FANCD2OS: variants seen among roughly 807,000 people sequenced by gnomAD.
FANCD2OS encodes the protein FANCD2 opposite strand protein.
FANCD2OS carries 11 observed loss-of-function variants against 13.2 expected under a neutral mutation model. The ratio of observed to expected loss-of-function variants is 0.83; its 90% confidence interval spans 0.52 to 1.38. FANCD2OS has a LOEUF of 1.38. Among genes scored for constraint, FANCD2OS ranks in the 40% most tolerant of loss-of-function variants. The pLI is 0.00. For missense variants in FANCD2OS, 217 were observed against 213.9 expected (o/e 1.01, Z -0.09); for synonymous variants, 69 against 84.5 (o/e 0.82, Z 1.01).
intron 1 of FANCD2OS, among the ~76,000 whole-genome samples, chr3:10,106,112 T>G (rs975086540): frequency 9.2e-5 from 14 of 152,056 alleles, no homozygotes; most frequent in Admixed American, 8.5e-4. Flanking sequence ...CCTGGGTTAT[T>G]TATATACCAC....
chr3:10,100,130 G>T (rs1408672398), downstream of FANCD2OS, among the ~76,000 whole-genome samples: 3 of 151,956 alleles, frequency 2.0e-5, no homozygotes, highest in Non-Finnish European at 4.4e-5. Flanking sequence ...GGAGGCTGCA[G>T]TGAGCCATCA....
chr3:10,102,987 T>C (rs965803597), downstream of FANCD2OS: 2 of 349,602 alleles, frequency 5.7e-6, no homozygotes, highest in African/African-American at 2.3e-5. Flanking sequence ...CCAGATATTG[T>C]GGGTCACCGC....
chr3:10,104,520 TTTG>T lies in FANCD2OS; in HGVS notation c.252_254del (p.Asn84del). On this transcript the variant is annotated inframe_deletion, in exon 2 of 2. Coordinates refer to ENST00000450660, the MANE Select transcript of FANCD2OS (RefSeq NM_001164839.2). ...TGGGCTGGGGCTTCCTGACCAGTCCTTTGTTGTTCATCGTGCGCAACTCTGATG... is the reference window on the plus strand; with the variant it reads ...TGGGCTGGGGCTTCCTGACCAGTCCTTTGTTCATCGTGCGCAACTCTGATG... The T allele has an allele frequency of 6.2e-7, 1 of 1,614,188 alleles. No individual in the cohort carries two copies. The highest frequency in any genetic ancestry group is 8.5e-7 in the Non-Finnish European group (1 of 1,180,032).
At chr3:10,096,556 AG>A in intron 2 of FANCD2OS, 2 of 1,294,216 alleles carry the variant, frequency 1.5e-6, no homozygotes. Flanking sequence ...AGGTCACCTA[AG>A]CCCTCGTCTC....
intron 2 of FANCD2OS, chr3:10,085,971 G>C (rs764876175): frequency 1.7e-5 from 22 of 1,295,332 alleles, no homozygotes; most frequent in Admixed American, 1.5e-4. Flanking sequence ...AAACTCCTAG[G>C]AACAGGATTG....
Position 10,104,513 on chromosome 3 carries a change from C to G in FANCD2OS, c.262G>C (p.Val88Leu), listed in dbSNP as rs779806764. Residue 88 changes from valine (V) to leucine (L), a missense_variant, in exon 2 of 2, where the codon GTC becomes CTC. Coordinates refer to ENST00000450660, the MANE Select transcript of FANCD2OS (RefSeq NM_001164839.2). ...AGGCGGATGGGCTGGGGCTTCCTGA[C>G]CAGTCCTTTGTTGTTCATCGTGCGC... is the stretch of plus-strand genomic sequence containing the variant. ...ELRTMNNKGL[V>L]RKPQPIRLSG... is the part of the protein sequence containing the mutation. The G allele has an allele frequency of 3.3e-5, 53 of 1,614,180 alleles. No homozygotes were observed. The highest frequency in any genetic ancestry group is 4.4e-5 in the Non-Finnish European group (52 of 1,180,032).
chr3:10,101,574 C>A (rs745657721), downstream of FANCD2OS: 3 of 398,222 alleles, frequency 7.5e-6, no homozygotes, highest in South Asian at 7.6e-5. Flanking sequence ...TTAGTAGATA[C>A]GGGGTTTTAC....
At chr3:10,084,318 G>A (rs1320882388) in intron 2 of FANCD2OS, among the ~76,000 whole-genome samples, 3 of 150,474 alleles carry the variant, frequency 2.0e-5, no homozygotes, top group Non-Finnish European at 3.0e-5. Context: ...CTGAGACAGG[G>A]TCTTGCTCTG....
At chr3:10,097,928 C>T (rs1016997092), downstream of FANCD2OS, among the ~76,000 whole-genome samples, 2 of 152,194 alleles carry the variant, frequency 1.3e-5, no homozygotes, top group East Asian at 1.9e-4. Context: ...CCGGTCCCTC[C>T]GTTTGGGGTC....
intron 2 of FANCD2OS, chr3:10,092,385 C>G: frequency 7.8e-6 from 6 of 769,490 alleles, no homozygotes; most frequent in Non-Finnish European, 4.7e-6. Context: ...TCGTCTTCTT[C>G]CTTTGTCCCC....
intron 2 of FANCD2OS, chr3:10,094,261 G>C (rs1694821206): frequency 1.3e-6 from 2 of 1,592,190 alleles, no homozygotes; most frequent in Non-Finnish European, 1.7e-6. Flanking sequence ...ACCTCAGCTA[G>C]AGGTAACAGT....
chr3:10,092,347 C>G (rs1694669367), intron 2 of FANCD2OS: 5 of 943,036 alleles, frequency 5.3e-6, no homozygotes, highest in Non-Finnish European at 8.7e-6. Context: ...CCTCTTCCCA[C>G]TCTTCCTTGG....
chr3:10,088,521 A>G (rs1428759933), intron 2 of FANCD2OS: 3 of 1,607,000 alleles, frequency 1.9e-6, no homozygotes, highest in Non-Finnish European at 2.6e-6. Flanking sequence ...ATCTCTAATG[A>G]CCAGCTCCAT....
Position 10,104,402 on chromosome 3 carries a change from C to A in FANCD2OS, c.373G>T (p.Ala125Ser), listed in dbSNP as rs144636204. The change falls in exon 2 of 2, where the codon GCC (alanine) becomes TCC (serine). Residue 125 changes from alanine (A) to serine (S), a missense_variant. By Grantham distance (99) the Ala-to-Ser change is moderately conservative (BLOSUM62 1). Transcript: ENST00000450660. ...TGTFRVSDKS[A>S]FCKIISREHQ... Reference sequence around the variant, plus strand: ...TCCCTGCTAATGATTTTGCAAAAGGCTGACTTGTCTGAAACTCTGAAAGTC... The same window carrying A: ...TCCCTGCTAATGATTTTGCAAAAGGATGACTTGTCTGAAACTCTGAAAGTC... 1 of 1,614,186 alleles carries A rather than the reference C, an allele frequency of 6.2e-7. No individual in the cohort carries two copies. Among genetic ancestry groups the A allele is most frequent in the Non-Finnish European group, 8.5e-7 (1 of 1,180,042 alleles).
chr3:10,090,032 A>C (rs1037192125), intron 2 of FANCD2OS, among the ~76,000 whole-genome samples: 1 of 152,220 alleles, frequency 6.6e-6, no homozygotes, highest in Non-Finnish European at 1.5e-5. Flanking sequence ...ACTCAAACTC[A>C]GATCTTCTCA....
At chr3:10,091,278 G>A (rs1345575411) in intron 2 of FANCD2OS, among the ~76,000 whole-genome samples, 10 of 151,414 alleles carry the variant, frequency 6.6e-5, no homozygotes, top group Non-Finnish European at 1.3e-4. Flanking sequence ...GCGGGGTTTT[G>A]TCGTGTTGCT....
At chr3:10,093,357 T>C in intron 2 of FANCD2OS, 1 of 1,563,470 alleles carries the variant, frequency 6.4e-7, no homozygotes, top group Non-Finnish European at 8.8e-7. Flanking sequence ...TTCATATTTA[T>C]TCTTCCTGTG....
At position 10,090,443 on chromosome 3, in the gene FANCD2OS, A is replaced by ATT. The variant is rs773716319; in HGVS notation, c.*44-8914_*44-8913dup. The ATT allele has an allele frequency of 0.032, 10,770 of 334,138 alleles. 45 individuals are homozygous for ATT. The highest frequency in any genetic ancestry group is 0.045 in the South Asian group (2,017 of 44,390). 20.7% of individuals were successfully genotyped at this position (334,138 alleles called of 1,614,324 possible). On this transcript the variant is annotated intron_variant, in intron 2 of 2. Transcript: ENST00000524279. ...ACTTTGGATTACTTGGAAGTTGCTG[A>ATT]TTTTTTTTTTTTTTTTTTTTTTTTT...
chr3:10,101,183 C>T (rs1346676084), downstream of FANCD2OS: 2 of 1,610,120 alleles, frequency 1.2e-6, no homozygotes, highest in Non-Finnish European at 1.7e-6. Flanking sequence ...TTCTTTGCCC[C>T]TTAGGATGGT....
Sources: gnomAD v4.1 joint callset for allele counts (sites outside exome capture counted in the v4.1 genomes callset) on GRCh38, gnomAD v4.1.1 for gene constraint, MANE v1.5 for transcripts, NCBI Gene and HGNC (gene_info 2026-07-23, HGNC 2026-07-21) for gene names.